NBEAL1: variants seen among roughly 807,000 people sequenced by gnomAD.
The protein encoded by NBEAL1 is neurobeachin like 1.
NBEAL1 carries 273 observed loss-of-function variants against 351.3 expected under a neutral mutation model. That is an observed-to-expected ratio of 0.78 (90% CI 0.70 to 0.86). The LOEUF is 0.86. Ranked by LOEUF, NBEAL1 falls within the 40% of genes least tolerant of loss-of-function variation. The probability of loss-of-function intolerance (pLI) is 0.00; values close to 1 mark genes in which losing one functional copy is unlikely to be tolerated. For synonymous variants in NBEAL1, 1,050 were observed against 1,086.4 expected (o/e 0.97, Z 0.66); for missense variants, 2,961 against 3,201.3 (o/e 0.92, Z 1.81).
intron 44 of NBEAL1, among the ~76,000 whole-genome samples, 172 bp from the exon 45 acceptor site, chr2:203,188,300 T>G (rs930909555): frequency 6.6e-6 from 1 of 152,188 alleles, no homozygotes; most frequent in African/African-American, 2.4e-5. Context: ...AGTTAATATA[T>G]GTAGTATATA....
At chr2:203,182,156 A>C (rs1477691220) in intron 43 of NBEAL1, 1 of 152,240 alleles carries the variant, frequency 6.6e-6, no homozygotes, top group East Asian at 1.9e-4. Context: ...CAAACAAGGA[A>C]ATTTTAGTGT....
intron 18 of NBEAL1, among the ~76,000 whole-genome samples, chr2:203,119,603 T>G (rs1306502687): frequency 2.6e-5 from 4 of 151,750 alleles, no homozygotes; most frequent in Non-Finnish European, 4.4e-5. Context: ...TTTTTGTATT[T>G]TTAGTACAGA....
chr2:203,216,525 C>T lies in NBEAL1; in HGVS notation c.8071-728C>T, dbSNP rs2065897910. Among the ~76,000 whole-genome samples the T allele has an allele frequency of 4.6e-5, 7 of 152,170 alleles. 1 individual carries two copies. The South Asian group carries it at 1.2e-3, about 27-fold the overall frequency. On this transcript the variant is annotated intron_variant, in intron 55 of 55. Transcript: ENST00000683969. ...TTGGGAGGCTGAGGTGGGAGGATTG[C>T]TTGAGCCCAGGACTTCACCAGCCTG...
intron 35 of NBEAL1, among the ~76,000 whole-genome samples, chr2:203,153,371 G>A (rs1403002324): frequency 6.7e-6 from 1 of 150,214 alleles, no homozygotes; most frequent in Non-Finnish European, 1.5e-5. Context: ...GAACTCCTAG[G>A]CTCAAGTGGC....
rs1160402407 is a variant in NBEAL1, at chr2:203,133,098, T to C, written c.3765T>C (p.Tyr1255=). 1 of 1,519,982 alleles carries C rather than the reference T, an allele frequency of 6.6e-7. No individual in the cohort carries two copies. Among genetic ancestry groups the C allele is most frequent in the South Asian group, 1.2e-5 (1 of 81,154 alleles). 94.2% of individuals were successfully genotyped at this position (1,519,982 alleles called of 1,614,324 possible). A position where few individuals can be genotyped will look rare whatever the true frequency, so the allele number is the denominator to read the frequency against. The change falls in exon 27 of 56, where the codon TAT becomes TAC. Residue 1255 remains tyrosine, a synonymous_variant. Coordinates refer to ENST00000683969, the MANE Select transcript of NBEAL1 (RefSeq NM_001378026.1). ...TCAAAGATCTACTATCTGTGGTATATATATCTCACAGAGCACATATAAATG... is the reference window on the plus strand; with the variant it reads ...TCAAAGATCTACTATCTGTGGTATACATATCTCACAGAGCACATATAAATG... ...INFKDLLSVV[Y]ISHRAHINVR...
chr2:203,166,609 C>A (rs1465613651), intron 37 of NBEAL1, among the ~76,000 whole-genome samples: 1 of 152,174 alleles, frequency 6.6e-6, no homozygotes, highest in African/African-American at 2.4e-5. Flanking sequence ...TGCAATGGTG[C>A]GATCTCGGCT....
chr2:203,154,640 C>G (rs553986790), intron 35 of NBEAL1, among the ~76,000 whole-genome samples: 2 of 152,234 alleles, frequency 1.3e-5, no homozygotes, highest in South Asian at 4.1e-4. Flanking sequence ...TAATTTCAAA[C>G]AGCTGACTTA....
chr2:203,151,604 C>G lies in NBEAL1; in HGVS notation c.5587+15C>G. The G allele has an allele frequency of 6.3e-7, 1 of 1,581,078 alleles. No individual in the cohort carries two copies. Among genetic ancestry groups the G allele is most frequent in the Non-Finnish European group, 8.6e-7 (1 of 1,167,452 alleles). ...AGATAATCTGGGTGAGTTCCAATGA[C>G]TGTTTAATTGTTTGTTGAAGATAAT... On this transcript the variant is annotated intron_variant, in intron 35 of 55. Coordinates refer to ENST00000683969, the MANE Select transcript of NBEAL1 (RefSeq NM_001378026.1).
Position 203,066,696 on chromosome 2 carries a change from A to G in NBEAL1, c.516-1697A>G, listed in dbSNP as rs2061593711. Among the ~76,000 whole-genome samples, 4 of 151,128 alleles carry G rather than the reference A, an allele frequency of 2.6e-5. No individual in the cohort carries two copies. In the South Asian group the frequency reaches 8.4e-4, roughly 32 times the overall value. ...CGGGCAGAGGCGCTCCTCACTTCCC[A>G]GATGGGGCGGCCGGGCAGAGGCACA... is the stretch of plus-strand genomic sequence containing the variant. On this transcript the variant is annotated intron_variant, in intron 6 of 55. Coordinates refer to ENST00000683969, the MANE Select transcript of NBEAL1 (RefSeq NM_001378026.1).
intron 10 of NBEAL1, among the ~76,000 whole-genome samples, chr2:203,087,629 T>G (rs2061992485): frequency 6.6e-6 from 1 of 152,238 alleles, no homozygotes; most frequent in South Asian, 2.1e-4. Context: ...ATTCATGCTT[T>G]TTAAATCTAT....
At chr2:203,192,314 T>C (rs1196602615) in intron 46 of NBEAL1, among the ~76,000 whole-genome samples, 1 of 152,194 alleles carries the variant, frequency 6.6e-6, no homozygotes, top group Admixed American at 6.5e-5. Flanking sequence ...AATTAGTTTT[T>C]ATTGTGATGA....
In NBEAL1 at chr2:203,083,502, T is replaced by A; in HGVS notation, c.968T>A (p.Ile323Asn). 1 of 1,547,778 alleles carries A rather than the reference T, an allele frequency of 6.5e-7. No homozygotes were observed. The highest frequency in any genetic ancestry group is 8.7e-7 in the Non-Finnish European group (1 of 1,144,662). Residue 323 changes from isoleucine (I) to asparagine (N), a missense_variant, in exon 9 of 56, where the codon ATT becomes AAT. By Grantham distance (149) the Ile-to-Asn change is moderately radical. Coordinates refer to ENST00000683969, the MANE Select transcript of NBEAL1 (RefSeq NM_001378026.1). ...TCCAGACAGTGGGAAAACCGATTTA[T>A]TGCTCTACAGATCAAAATGCTGAGT... ...RRSRQWENRF[I>N]ALQIKMLNTI...
intron 38 of NBEAL1, 82 bp downstream of exon 38, chr2:203,167,442 C>G: frequency 7.5e-7 from 1 of 1,335,672 alleles, no homozygotes; most frequent in Non-Finnish European, 1.0e-6. Flanking sequence ...GAACTTTGGG[C>G]TGTATTCTTT....
At chr2:203,024,301 TAATCCC>T (rs1215163901) in intron 2 of NBEAL1, among the ~76,000 whole-genome samples, 2 of 152,004 alleles carry the variant, frequency 1.3e-5, no homozygotes, top group African/African-American at 4.8e-5. Flanking sequence ...TTCACACCTG[TAATCCC>T]AGCATTTTGG....
intron 7 of NBEAL1, among the ~76,000 whole-genome samples, chr2:203,075,565 G>A (rs1042640318): frequency 2.6e-5 from 4 of 152,144 alleles, no homozygotes; most frequent in Admixed American, 2.6e-4. Context: ...TAGATACTGA[G>A]ACCCAAAATG....
intron 35 of NBEAL1, among the ~76,000 whole-genome samples, chr2:203,153,792 C>G (rs985094986): frequency 2.0e-5 from 3 of 152,132 alleles, no homozygotes. Context: ...GCATAGTGTT[C>G]CATATTATTT....
chr2:203,100,552 T>C (rs1405296770), intron 12 of NBEAL1, among the ~76,000 whole-genome samples: 2 of 151,100 alleles, frequency 1.3e-5, no homozygotes, highest in Non-Finnish European at 3.0e-5. Flanking sequence ...TCTTTTCTTT[T>C]TTTTTTTTTT....
intron 6 of NBEAL1, among the ~76,000 whole-genome samples, chr2:203,065,784 CA>C (rs2061574614): frequency 6.6e-6 from 1 of 151,924 alleles, no homozygotes; most frequent in Admixed American, 6.6e-5. Flanking sequence ...TTAAATCAAC[CA>C]AAAACATAAA....
chr2:203,029,469 T>C (rs2060914748), intron 2 of NBEAL1, among the ~76,000 whole-genome samples: 1 of 152,222 alleles, frequency 6.6e-6, no homozygotes, highest in Non-Finnish European at 1.5e-5. Flanking sequence ...TCTGAATGGA[T>C]AGTTACATAA....
Sources: allele counts gnomAD v4.1 joint callset (sites outside exome capture counted in the v4.1 genomes callset), GRCh38; gene constraint gnomAD v4.1.1; transcripts MANE v1.5; gene names NCBI Gene and HGNC (gene_info 2026-07-23, HGNC 2026-07-21).